FOXP1: variants seen among roughly 807,000 people sequenced by gnomAD.
FOXP1 encodes forkhead box P1, also known as forkhead box protein P1.
FOXP1 carries 15 observed loss-of-function variants against 98.2 expected under a neutral mutation model. The observed-to-expected ratio is 0.15, with a 90% confidence interval of 0.10 to 0.24. The LOEUF is 0.24. FOXP1 is among the 10% of genes least tolerant of loss of function. The pLI, the probability that FOXP1 is intolerant of heterozygous loss-of-function variation, is 1.00. For missense variants in FOXP1, 633 were observed against 848.5 expected (o/e 0.75, Z 3.15); for synonymous variants, 371 against 314.5 (o/e 1.18, Z -1.90).
In FOXP1 at chr3:71,166,394, T is replaced by C. The variant is rs567376931; in HGVS notation, c.180+31808A>G. Among the ~76,000 whole-genome samples the C allele has an allele frequency of 9.5e-4, 145 of 152,368 alleles. 1 individual carries two copies. Among genetic ancestry groups the C allele is most frequent in the Non-Finnish European group, 1.9e-3 (131 of 68,036 alleles). Reference sequence around the variant, plus strand: ...TCCAAAGATTCACGCAGTTCCATTCTTTAAACTTTTCTTGAACTTTCTGTG... The same window carrying C: ...TCCAAAGATTCACGCAGTTCCATTCCTTAAACTTTTCTTGAACTTTCTGTG... On this transcript the variant is annotated intron_variant, in intron 6 of 20. Transcript: ENST00000649528.
intron 3 of FOXP1, among the ~76,000 whole-genome samples, chr3:71,371,521 C>T (rs2079312984): frequency 6.6e-6 from 1 of 152,222 alleles, no homozygotes; most frequent in African/African-American, 2.4e-5. Context: ...TGCAGTGACT[C>T]ATGCCTGTGA....
chr3:71,206,767 C>A (rs2064068403), intron 5 of FOXP1, among the ~76,000 whole-genome samples: 1 of 152,114 alleles, frequency 6.6e-6, no homozygotes, highest in Non-Finnish European at 1.5e-5. Context: ...ACAAGTTGAC[C>A]CCGCTCCAAA....
At chr3:71,197,797 A>T in intron 6 of FOXP1, 1 of 1,290,196 alleles carries the variant, frequency 7.8e-7, no homozygotes. Flanking sequence ...TCTCTCTTTT[A>T]TTCCTTAGCT....
chr3:71,299,148 T>C (rs995322164), intron 5 of FOXP1, among the ~76,000 whole-genome samples: 1 of 152,190 alleles, frequency 6.6e-6, no homozygotes, highest in African/African-American at 2.4e-5. Flanking sequence ...CCGGAGTACT[T>C]TTTCACTCCC....
At chr3:71,102,150 T>G (rs2057021560) in intron 7 of FOXP1, among the ~76,000 whole-genome samples, 1 of 152,168 alleles carries the variant, frequency 6.6e-6, no homozygotes, top group Non-Finnish European at 1.5e-5. Flanking sequence ...TATGTTCTCT[T>G]TAAAATTTTG....
chr3:71,158,357 G>A (rs1418724611), intron 6 of FOXP1, among the ~76,000 whole-genome samples: 1 of 150,972 alleles, frequency 6.6e-6, no homozygotes, highest in African/African-American at 2.5e-5. Flanking sequence ...AATAAATAGT[G>A]CCCAGGGAAT....
chr3:71,054,615 G>C (rs1415181381), intron 7 of FOXP1, among the ~76,000 whole-genome samples: 1 of 152,180 alleles, frequency 6.6e-6, no homozygotes, highest in African/African-American at 2.4e-5. Context: ...AATTCTGCAA[G>C]CTTTCTAGAA....
At chr3:71,209,912 G>A (rs973866715) in intron 5 of FOXP1, among the ~76,000 whole-genome samples, 1 of 152,124 alleles carries the variant, frequency 6.6e-6, no homozygotes, top group African/African-American at 2.4e-5. Flanking sequence ...CTGAAAAACA[G>A]TTTGGTAATT....
chr3:71,323,504 G>A (rs925728725), intron 4 of FOXP1, among the ~76,000 whole-genome samples: 19 of 152,186 alleles, frequency 1.2e-4, no homozygotes, highest in African/African-American at 4.6e-4. Context: ...AATATAATAT[G>A]ATAACTTCTG....
intron 3 of FOXP1, among the ~76,000 whole-genome samples, chr3:71,401,564 T>C (rs2081959591): frequency 6.6e-6 from 1 of 152,242 alleles, no homozygotes; most frequent in African/African-American, 2.4e-5. Flanking sequence ...TTGTTTTTAA[T>C]GCTATTTTTA....
At chr3:71,373,740 C>G (rs1370798843) in intron 3 of FOXP1, among the ~76,000 whole-genome samples, 3 of 152,158 alleles carry the variant, frequency 2.0e-5, no homozygotes, top group Non-Finnish European at 4.4e-5. Context: ...TGCTAGTCCA[C>G]ATGCTTGTTG....
intron 3 of FOXP1, among the ~76,000 whole-genome samples, chr3:71,483,471 G>A (rs542274181): frequency 7.2e-5 from 11 of 152,288 alleles, no homozygotes; most frequent in African/African-American, 2.4e-4. Context: ...CTATAGGCGC[G>A]TGGGCCACAT....
chr3:71,099,018 A>G (rs969581956), intron 7 of FOXP1, among the ~76,000 whole-genome samples: 5 of 152,190 alleles, frequency 3.3e-5, no homozygotes, highest in Non-Finnish European at 5.9e-5. Context: ...ATTCATAACA[A>G]CACCATGGGA....
intron 17 of FOXP1, among the ~76,000 whole-genome samples, chr3:70,975,464 T>C (rs1341005904): frequency 6.6e-6 from 1 of 152,226 alleles, no homozygotes; most frequent in Non-Finnish European, 1.5e-5. Flanking sequence ...TATGGTTATA[T>C]TCGTTTTCTT....
chr3:70,967,710 G>GTTTTT (rs756777959), intron 19 of FOXP1, among the ~76,000 whole-genome samples: 857 of 68,602 alleles, frequency 0.012, no homozygotes, highest in Non-Finnish European at 0.016. Context: ...GTTTTTTTTT[G>GTTTTT]TTTTTTTTTT....
In FOXP1 at chr3:71,439,427, A is replaced by G. The variant is rs1560489205; in HGVS notation, c.-168+53999T>C. 2.6e-5 allele frequency among the ~76,000 whole-genome samples: 4 copies of G among 152,198 alleles called. No individual in the cohort carries two copies. In the East Asian group the frequency reaches 7.7e-4, roughly 29 times the overall value. ...TTTCTTTCAGCTAAGAAAAGGTAAG[A>G]AAACTTAGAAGAAGGAAAAATAGAA... On this transcript the variant is annotated intron_variant, in intron 3 of 20. Transcript: ENST00000649528.
intron 6 of FOXP1, among the ~76,000 whole-genome samples, chr3:71,157,482 A>T (rs1052460189): frequency 4.6e-5 from 7 of 152,258 alleles, no homozygotes; most frequent in African/African-American, 7.2e-5. Flanking sequence ...GTGAAAATTA[A>T]AGTCAAATCA....
In FOXP1 at chr3:71,023,174, G is replaced by A. The variant is rs1405130974; in HGVS notation, c.870-7521C>T. On this transcript the variant is annotated intron_variant, in intron 11 of 20. Transcript: ENST00000649528. Reference sequence around the variant, plus strand: ...GAACTCCGACCCTGAGACAGGCACCGAGCATACTCATCAGTAAGGCTGCTT... The same window carrying A: ...GAACTCCGACCCTGAGACAGGCACCAAGCATACTCATCAGTAAGGCTGCTT... 2.0e-5 allele frequency among the ~76,000 whole-genome samples: 3 copies of A among 152,172 alleles called. No individual in the cohort carries two copies. The East Asian group carries it at 5.8e-4, about 29-fold the overall frequency.
intron 7 of FOXP1, among the ~76,000 whole-genome samples, chr3:71,105,136 C>T (rs1337809241): frequency 1.3e-5 from 2 of 152,222 alleles, no homozygotes; most frequent in African/African-American, 4.8e-5. Context: ...GTGACAGAGT[C>T]CCATGATGCC....
Sources: gnomAD v4.1 joint callset for allele counts (sites outside exome capture counted in the v4.1 genomes callset) on GRCh38, gnomAD v4.1.1 for gene constraint, MANE v1.5 for transcripts, NCBI Gene and HGNC (gene_info 2026-07-23, HGNC 2026-07-21) for gene names.